NR5A2: variants seen among roughly 807,000 people sequenced by gnomAD.
The protein encoded by NR5A2 is CYP7A promoter-binding factor.
In NR5A2, 26 loss-of-function variants were observed where a neutral mutation model predicts 62.7. The observed-to-expected ratio is 0.41, with a 90% CI of 0.30 to 0.58. The LOEUF (loss-of-function observed/expected upper bound fraction) is 0.58, where lower values mean the gene tolerates loss of function less well. NR5A2 is among the 20% of genes least tolerant of loss of function. The pLI, the probability that NR5A2 is intolerant of heterozygous loss-of-function variation, is 0.22. For missense variants in NR5A2, 541 were observed against 669.1 expected, an observed-to-expected ratio of 0.81 and a Z score of 2.11; for synonymous variants, 246 against 241.7, an observed-to-expected ratio of 1.02 and a Z score of -0.16.
At chr1:200,033,072 G>C (rs1235643394) in intron 1 of NR5A2, among the ~76,000 whole-genome samples, 1 of 152,214 alleles carries the variant, frequency 6.6e-6, no homozygotes, top group East Asian at 1.9e-4. Flanking sequence ...GGAAAGCAGA[G>C]TGGAAATCAC....
At chr1:200,076,088 T>C (rs1664021050) in intron 5 of NR5A2, among the ~76,000 whole-genome samples, 1 of 152,112 alleles carries the variant, frequency 6.6e-6, no homozygotes, top group African/African-American at 2.4e-5. Flanking sequence ...AAGGACATAA[T>C]AGACAAGAAA....
At chr1:200,082,738 G>A (rs143649414) in intron 5 of NR5A2, among the ~76,000 whole-genome samples, 4 of 152,252 alleles carry the variant, frequency 2.6e-5, no homozygotes, top group Admixed American at 6.5e-5. Flanking sequence ...GGCATCTAAT[G>A]TTGATCTGAA....
chr1:200,033,807 C>T (rs879793276), intron 1 of NR5A2, among the ~76,000 whole-genome samples: 2 of 152,214 alleles, frequency 1.3e-5, no homozygotes, highest in African/African-American at 4.8e-5. Context: ...CCTAGTTCCA[C>T]GCCCCATGCT....
chr1:200,035,916 C>G (rs1432675134), intron 1 of NR5A2, among the ~76,000 whole-genome samples: 1 of 152,102 alleles, frequency 6.6e-6, no homozygotes, highest in Non-Finnish European at 1.5e-5. Context: ...CAGAGCTGTC[C>G]CCCGGTCTCA....
At chr1:200,144,233 T>TCACACACACACACA (rs60365337) in intron 7 of NR5A2, among the ~76,000 whole-genome samples, 2 of 80,126 alleles carry the variant, frequency 2.5e-5, no homozygotes, top group African/African-American at 8.4e-5. Context: ...TCTCTCTCTC[T>TCACACACACACACA]CACACACACA....
At chr1:200,091,548 G>A (rs562934830) in intron 5 of NR5A2, among the ~76,000 whole-genome samples, 391 of 147,566 alleles carry the variant, frequency 2.6e-3, no homozygotes, top group Middle Eastern at 0.018. Flanking sequence ...GCAGTGGCGT[G>A]ATCTCGGCTC....
At chr1:200,032,401 G>A (rs559859965) in intron 1 of NR5A2, among the ~76,000 whole-genome samples, 2 of 152,306 alleles carry the variant, frequency 1.3e-5, no homozygotes, top group South Asian at 4.1e-4. Context: ...GTTTTTGTGT[G>A]GTTGATAAGT....
At chr1:200,120,699 A>G in intron 6 of NR5A2, 109 bp from the exon 7 acceptor site, 5 of 1,167,332 alleles carry the variant, frequency 4.3e-6, no homozygotes, top group Admixed American at 6.1e-5. Flanking sequence ...TCTCTATTCT[A>G]TTTTAAAAAC....
At chr1:200,119,900 T>C (rs1047442492) in intron 6 of NR5A2, among the ~76,000 whole-genome samples, 4 of 151,738 alleles carry the variant, frequency 2.6e-5, no homozygotes, top group Non-Finnish European at 4.4e-5. Flanking sequence ...TGAGCCACCG[T>C]GCCCGGCCAG....
intron 7 of NR5A2, among the ~76,000 whole-genome samples, chr1:200,130,247 C>A (rs1666905683): frequency 7.3e-6 from 1 of 136,844 alleles, no homozygotes. Context: ...GCTTACAAAT[C>A]CAACAGAGAT....
intron 5 of NR5A2, among the ~76,000 whole-genome samples, chr1:200,050,531 A>G (rs962538404): frequency 6.6e-6 from 1 of 152,184 alleles, no homozygotes; most frequent in Non-Finnish European, 1.5e-5. Context: ...ATATGCAGAT[A>G]AAGCACCCAG....
At chr1:200,060,216 C>T (rs1391497691) in intron 5 of NR5A2, among the ~76,000 whole-genome samples, 2 of 152,228 alleles carry the variant, frequency 1.3e-5, no homozygotes, top group East Asian at 3.9e-4. Context: ...CCTTCTAATA[C>T]CTCAGGAAGC....
Position 200,147,818 on chromosome 1 carries a change from G to T in NR5A2, c.1379-26145G>T. 2.1e-6 allele frequency: 1 copy of T among 481,720 alleles called. No individual in the cohort carries two copies. 29.8% of individuals were successfully genotyped at this position (481,720 alleles called of 1,614,324 possible). A position where few individuals can be genotyped will look rare whatever the true frequency, so the allele number is the denominator to read the frequency against. On this transcript the variant is annotated intron_variant, in intron 7 of 7. Transcript: ENST00000367362. This position sits in a 1 kb window ranked among gnomAD's most constrained non-coding sequence, Gnocchi z 4.9. ...GCAGCCGCCGTGGCGTCCAGCACCA[G>T]GTCCTGGCTGCAGCCATTGGTGAGC...
At chr1:200,043,071 T>G (rs1249387386) in intron 2 of NR5A2, 2 of 915,884 alleles carry the variant, frequency 2.2e-6, no homozygotes. Context: ...TTCTGGTATT[T>G]TTCCCCGTAC....
intron 7 of NR5A2, among the ~76,000 whole-genome samples, chr1:200,139,587 CTCTTA>C (rs1409496415): frequency 3.3e-5 from 5 of 152,192 alleles, no homozygotes; most frequent in South Asian, 2.1e-4. Flanking sequence ...ACAAATTATT[CTCTTA>C]TCTTTTGTTA....
intron 7 of NR5A2, among the ~76,000 whole-genome samples, chr1:200,127,676 C>CAAA (rs71132666): frequency 3.9e-5 from 1 of 25,618 alleles, no homozygotes; most frequent in Non-Finnish European, 6.5e-5. Context: ...GACTCTGTCT[C>CAAA]AAAAAAAAAA....
chr1:200,076,017 A>G (rs548520766), intron 5 of NR5A2, among the ~76,000 whole-genome samples: 4 of 152,302 alleles, frequency 2.6e-5, no homozygotes, highest in Middle Eastern at 3.4e-3. Flanking sequence ...TAAAAACAAA[A>G]CAATTTTCGG....
chr1:200,099,320 A>G (rs957431959), intron 5 of NR5A2, among the ~76,000 whole-genome samples: 1 of 147,466 alleles, frequency 6.8e-6, no homozygotes, highest in African/African-American at 2.5e-5. Context: ...AAAGGACCCA[A>G]GGACATTTTA....
intron 7 of NR5A2, among the ~76,000 whole-genome samples, chr1:200,160,632 A>G (rs565695026): frequency 6.6e-6 from 1 of 152,258 alleles, no homozygotes; most frequent in Non-Finnish European, 1.5e-5. Flanking sequence ...AATATTTTTA[A>G]CAAGAACTGT....
Sources: gnomAD v4.1 joint callset for allele counts (sites outside exome capture counted in the v4.1 genomes callset) on GRCh38, gnomAD v4.1.1 for gene constraint, Gnocchi (gnomAD v3.1) non-coding constraint, MANE v1.5 for transcripts, NCBI Gene and HGNC (gene_info 2026-07-23, HGNC 2026-07-21) for gene names.